TEAD1: variants seen among roughly 807,000 people sequenced by gnomAD.
TEAD1 encodes the protein TEA domain transcription factor 1.
A neutral mutation model predicts 54.9 loss-of-function variants in TEAD1; 9 were observed. The ratio of observed to expected loss-of-function variants is 0.16; its 90% CI spans 0.10 to 0.29. The LOEUF (loss-of-function observed/expected upper bound fraction) is 0.29, where lower values mean the gene tolerates loss of function less well. TEAD1 is among the 10% of genes least tolerant of loss of function. The probability of loss-of-function intolerance (pLI) is 1.00; values close to 1 mark genes in which losing one functional copy is unlikely to be tolerated. For synonymous variants in TEAD1, 200 were observed against 187.8 expected (o/e 1.07, Z -0.53); for missense variants, 387 against 535.9 (o/e 0.72, Z 2.74).
At chr11:12,885,428 G>A (rs974016990) in intron 9 of TEAD1, among the ~76,000 whole-genome samples, 3 of 151,876 alleles carry the variant, frequency 2.0e-5, no homozygotes, top group South Asian at 2.1e-4. Context: ...TAGTAGAGAC[G>A]GGGTTTCACC....
intron 7 of TEAD1, 22 bp downstream of exon 7, chr11:12,881,073 C>T: frequency 4.3e-6 from 7 of 1,613,794 alleles, no homozygotes; most frequent in Non-Finnish European, 5.9e-6. Context: ...GAGGGGTGGG[C>T]ACTGACAACT....
At chr11:12,684,418 A>T (rs1460829030) in intron 2 of TEAD1, among the ~76,000 whole-genome samples, 1 of 152,202 alleles carries the variant, frequency 6.6e-6, no homozygotes, top group Non-Finnish European at 1.5e-5. Flanking sequence ...TTCTTTTGTA[A>T]GTGGTTGAAT....
At chr11:12,752,216 T>G (rs889417816) in intron 2 of TEAD1, among the ~76,000 whole-genome samples, 2 of 145,488 alleles carry the variant, frequency 1.4e-5, no homozygotes, top group African/African-American at 5.5e-5. Context: ...CAGGGCAGTT[T>G]TTTTTTTTTT....
intron 5 of TEAD1, among the ~76,000 whole-genome samples, chr11:12,875,377 T>C (rs1589948905): frequency 6.6e-6 from 1 of 152,222 alleles, no homozygotes; most frequent in African/African-American, 2.4e-5. Context: ...ATCTCTGGGC[T>C]GCAAATGACA....
At chr11:12,879,988 TA>T in intron 6 of TEAD1, 146 bp downstream of exon 6, 1 of 1,255,222 alleles carries the variant, frequency 8.0e-7, no homozygotes, top group Non-Finnish European at 1.1e-6. Context: ...TAACTGAGTC[TA>T]AAGTGGTGAA....
chr11:12,864,083 A>G (rs1197867176), intron 4 of TEAD1, among the ~76,000 whole-genome samples: 2 of 152,124 alleles, frequency 1.3e-5, no homozygotes, highest in Admixed American at 6.5e-5. Flanking sequence ...AAAAAAAAAA[A>G]AAATAGCTCT....
At chr11:12,810,131 C>T (rs1017269859) in intron 3 of TEAD1, among the ~76,000 whole-genome samples, 3 of 152,002 alleles carry the variant, frequency 2.0e-5, no homozygotes, top group Admixed American at 6.6e-5. Flanking sequence ...TAGGCGCACA[C>T]CACCACGCCT....
chr11:12,803,483 T>C (rs1452929343), intron 3 of TEAD1, among the ~76,000 whole-genome samples: 3 of 152,228 alleles, frequency 2.0e-5, no homozygotes, highest in Non-Finnish European at 2.9e-5. Context: ...AAACTGTAGC[T>C]TTTTTATAAG....
intron 10 of TEAD1, among the ~76,000 whole-genome samples, chr11:12,910,036 C>T (rs1005889044): frequency 1.3e-5 from 2 of 152,166 alleles, no homozygotes; most frequent in Non-Finnish European, 2.9e-5. Context: ...TGAAGCTGTG[C>T]TTCATTGCAG....
intron 2 of TEAD1, among the ~76,000 whole-genome samples, chr11:12,680,695 G>A (rs1402345735): frequency 6.6e-6 from 1 of 152,142 alleles, no homozygotes; most frequent in Non-Finnish European, 1.5e-5. Flanking sequence ...GTGACATTAA[G>A]TGTGTGTGTG....
intron 2 of TEAD1, among the ~76,000 whole-genome samples, chr11:12,760,028 T>G (rs1186241399): frequency 1.3e-5 from 2 of 152,206 alleles, no homozygotes; most frequent in African/African-American, 4.8e-5. Context: ...AATAAAGGTG[T>G]TGTCACCAAT....
chr11:12,748,625 C>T (rs1380611850), intron 2 of TEAD1, among the ~76,000 whole-genome samples: 3 of 152,090 alleles, frequency 2.0e-5, no homozygotes, highest in Non-Finnish European at 4.4e-5. Flanking sequence ...AAAAATATGT[C>T]TCCTGGGATT....
intron 2 of TEAD1, among the ~76,000 whole-genome samples, chr11:12,711,991 C>T (rs939638049): frequency 2.0e-5 from 3 of 152,182 alleles, no homozygotes; most frequent in Admixed American, 1.3e-4. Flanking sequence ...AGGTCCTCTG[C>T]ACCTCTTTCT....
intron 1 of TEAD1, among the ~76,000 whole-genome samples, chr11:12,675,068 G>A (rs1371019361): frequency 6.8e-6 from 1 of 146,606 alleles, no homozygotes; most frequent in African/African-American, 2.5e-5. Context: ...GTTGGGCCGC[G>A]CGCTGGGAGC....
chr11:12,701,823 A>G (rs565208630), intron 2 of TEAD1, among the ~76,000 whole-genome samples: 42 of 152,344 alleles, frequency 2.8e-4, no homozygotes, highest in African/African-American at 9.9e-4. Flanking sequence ...TAAAAATTAT[A>G]TAGGGAATAG....
intron 3 of TEAD1, among the ~76,000 whole-genome samples, chr11:12,832,278 A>C (rs1946799175): frequency 6.6e-6 from 1 of 152,252 alleles, no homozygotes; most frequent in Non-Finnish European, 1.5e-5. Flanking sequence ...AAATGAGATC[A>C]AACATTGTCA....
intron 2 of TEAD1, among the ~76,000 whole-genome samples, chr11:12,704,352 A>G (rs1231885501): frequency 1.3e-5 from 2 of 152,210 alleles, no homozygotes; most frequent in Admixed American, 6.5e-5. Context: ...TACAGCTGAG[A>G]AAGTCTTGGT....
chr11:12,696,902 G>T (rs1943596667), intron 2 of TEAD1, among the ~76,000 whole-genome samples: 1 of 152,132 alleles, frequency 6.6e-6, no homozygotes, highest in African/African-American at 2.4e-5. Context: ...TTCCTGGACT[G>T]TCTAGCTAAC....
At position 12,883,002 on chromosome 11, in the gene TEAD1, G is replaced by T. The variant is rs907755261; in HGVS notation, c.576G>T (p.Gly192=). The change falls in exon 9 of 13, where the codon GGG becomes GGT. Residue 192 remains glycine (G), a splice_region_variant and synonymous_variant. Transcript: ENST00000527636. ...CAAAGGTGACGATTGCTCTTTCAGG[G>T]TTTGAGCCTGCATCGGCCCCAGCTC... is the stretch of plus-strand genomic sequence containing the variant. The T allele has an allele frequency of 6.2e-7, 1 of 1,614,150 alleles. No individual in the cohort carries two copies. The highest frequency in any genetic ancestry group is 8.5e-7 in the Non-Finnish European group (1 of 1,180,028).
Sources: allele counts gnomAD v4.1 joint callset (sites outside exome capture counted in the v4.1 genomes callset), GRCh38; gene constraint gnomAD v4.1.1; transcripts MANE v1.5; gene names NCBI Gene and HGNC (gene_info 2026-07-23, HGNC 2026-07-21).